The following PPP1R12A variants were observed in gnomAD, a reference collection of about 807,000 sequenced individuals.
PPP1R12A encodes the protein myosin binding subunit.
Under a neutral mutation model 139.6 loss-of-function variants are expected in PPP1R12A, and 19 were observed. The ratio of observed to expected loss-of-function variants is 0.14; its 90% CI spans 0.09 to 0.20. The LOEUF (loss-of-function observed/expected upper bound fraction) is 0.20. Among genes scored for constraint, PPP1R12A ranks in the 10% least tolerant of loss-of-function variants. The pLI is 1.00. For missense variants in PPP1R12A, 925 were observed against 1,211.5 expected (o/e 0.76, Z 3.51); for synonymous variants, 427 against 420.6 (o/e 1.02, Z -0.19).
At chr12:79,789,781 T>TC (rs1183355116) in intron 20 of PPP1R12A, 1 of 241,564 alleles carries the variant, frequency 4.1e-6, no homozygotes, top group African/African-American at 2.3e-5. Context: ...GGTGACACTT[T>TC]TTTTTTTTTT....
At chr12:79,809,773 A>G (rs778812570) in intron 10 of PPP1R12A, 22 bp downstream of exon 10, 35 of 1,567,744 alleles carry the variant, frequency 2.2e-5, no homozygotes, top group Non-Finnish European at 3.1e-5. Context: ...TTTCATAGAA[A>G]CCAGACTGTG....
chr12:79,803,763 T>G (rs1873479955), intron 14 of PPP1R12A, among the ~76,000 whole-genome samples: 1 of 152,114 alleles, frequency 6.6e-6, no homozygotes, highest in South Asian at 2.1e-4. Flanking sequence ...GAAAAAATGT[T>G]GCCACATTTT....
At chr12:79,782,647 AAAG>A (rs1240495482) in intron 22 of PPP1R12A, 1 of 423,330 alleles carries the variant, frequency 2.4e-6, no homozygotes, top group Non-Finnish European at 4.7e-6. Flanking sequence ...AAAGAAAAAA[AAAG>A]AAAAAAACAG....
At chr12:79,800,859 G>A (rs1873041386) in intron 14 of PPP1R12A, among the ~76,000 whole-genome samples, 1 of 150,548 alleles carries the variant, frequency 6.6e-6, no homozygotes, top group Non-Finnish European at 1.5e-5. Flanking sequence ...TCAGCCTCCC[G>A]AGTAGTTGAG....
chr12:79,811,215 GTT>G (rs1368993231), intron 9 of PPP1R12A, among the ~76,000 whole-genome samples: 3 of 152,184 alleles, frequency 2.0e-5, no homozygotes. Flanking sequence ...AACAGGGCTT[GTT>G]AAAGCCCCCA....
intron 14 of PPP1R12A, among the ~76,000 whole-genome samples, chr12:79,803,585 C>A (rs1873455041): frequency 6.6e-6 from 1 of 152,052 alleles, no homozygotes; most frequent in Admixed American, 6.6e-5. Flanking sequence ...AAATCATATA[C>A]ATTTCAGAAC....
chr12:79,797,467 G>C, intron 15 of PPP1R12A, 72 bp from the exon 16 acceptor site: 1 of 1,359,788 alleles, frequency 7.4e-7, no homozygotes, highest in East Asian at 2.5e-5. Context: ...TTTAGAAATA[G>C]ATATATTACA....
At chr12:79,799,443 C>G (rs1456213381) in intron 14 of PPP1R12A, among the ~76,000 whole-genome samples, 1 of 152,216 alleles carries the variant, frequency 6.6e-6, no homozygotes, top group Non-Finnish European at 1.5e-5. Context: ...GGCCACCGCG[C>G]CCGGTCTCCC....
chr12:79,814,442 A>G (rs1413526865), intron 9 of PPP1R12A, among the ~76,000 whole-genome samples: 1 of 132,098 alleles, frequency 7.6e-6, no homozygotes, highest in East Asian at 2.5e-4. Context: ...GTGCTACTGC[A>G]CTCCAGCCTG....
chr12:79,877,921 C>G (rs1469013396), intron 1 of PPP1R12A, among the ~76,000 whole-genome samples: 3 of 152,010 alleles, frequency 2.0e-5, no homozygotes, highest in Non-Finnish European at 4.4e-5. Flanking sequence ...ATATAAAACC[C>G]TACTTGATAA....
At position 79,828,379 on chromosome 12, in the gene PPP1R12A, C is replaced by G; in HGVS notation, c.733G>C (p.Glu245Gln). The change falls in exon 5 of 25, where the codon GAA becomes CAA. Residue 245 changes from glutamate to glutamine, a missense_variant. Glu to Gln is a conservative substitution (Grantham distance 29). Transcript: ENST00000450142. ...TCCACTAAAATTCGACATGCTTCTTCTTTACCCCAATGAGCTGCAGCATGA... is the reference window on the plus strand; with the variant it reads ...TCCACTAAAATTCGACATGCTTCTTGTTTACCCCAATGAGCTGCAGCATGA... ...PLHAAAHWGK[E>Q]EACRILVDNL... is the part of the protein sequence containing the mutation. 1 of 1,612,628 alleles carries G rather than the reference C, an allele frequency of 6.2e-7. No individual in the cohort carries two copies. The highest frequency in any genetic ancestry group is 2.2e-5 in the East Asian group (1 of 44,796).
chr12:79,810,087 T>A, intron 9 of PPP1R12A, 77 bp from the exon 10 acceptor site: 1 of 1,099,218 alleles, frequency 9.1e-7, no homozygotes, highest in Admixed American at 2.8e-5. Context: ...AAACAATAAG[T>A]TTACAGATAA....
At chr12:79,777,438 AAGTG>A in intron 24 of PPP1R12A, 8 of 984,526 alleles carry the variant, frequency 8.1e-6, no homozygotes, top group Non-Finnish European at 9.6e-6. Context: ...TAATTTGTAA[AAGTG>A]AGCTCTTACA....
At chr12:79,861,588 G>A (rs1196600259) in intron 2 of PPP1R12A, among the ~76,000 whole-genome samples, 1 of 152,150 alleles carries the variant, frequency 6.6e-6, no homozygotes, top group African/African-American at 2.4e-5. Context: ...CGTACCTGGA[G>A]GAGCAGTATA....
At chr12:79,793,308 G>C (rs1205766788) in intron 19 of PPP1R12A, among the ~76,000 whole-genome samples, 1 of 151,996 alleles carries the variant, frequency 6.6e-6, no homozygotes, top group African/African-American at 2.4e-5. Context: ...TCAGTACTGA[G>C]AGGAAAAAAA....
upstream of PPP1R12A, chr12:79,935,281 G>A (rs1888583807): frequency 4.6e-6 from 5 of 1,077,660 alleles, no homozygotes; most frequent in African/African-American, 1.7e-5. Context: ...GCGCTCCCGC[G>A]AACTGCGGCG....
At chr12:79,837,585 T>C (rs1048981739) in intron 3 of PPP1R12A, among the ~76,000 whole-genome samples, 1 of 152,232 alleles carries the variant, frequency 6.6e-6, no homozygotes. Flanking sequence ...TCTTGAATTG[T>C]AGTTCCCATA....
intron 22 of PPP1R12A, chr12:79,782,467 A>AT (rs1870575489): frequency 2.3e-5 from 9 of 393,110 alleles, no homozygotes; most frequent in South Asian, 1.5e-4. Flanking sequence ...CAGGCCTTTC[A>AT]TTTTTTCCAC....
chr12:79,789,649 G>A, intron 20 of PPP1R12A: 1 of 454,432 alleles, frequency 2.2e-6, no homozygotes, highest in South Asian at 1.6e-5. Flanking sequence ...AGAATCATCA[G>A]TAGACAGAAA....
Sources: allele counts gnomAD v4.1 joint callset (sites outside exome capture counted in the v4.1 genomes callset), GRCh38; gene constraint gnomAD v4.1.1; transcripts MANE v1.5; gene names NCBI Gene and HGNC (gene_info 2026-07-23, HGNC 2026-07-21).